DAG1: variants seen among roughly 807,000 people sequenced by gnomAD.
DAG1 encodes dystroglycan 1.
Under a neutral mutation model 46.1 loss-of-function variants are expected in DAG1, and 8 were observed. That is an observed-to-expected ratio of 0.17 (90% CI 0.10 to 0.31). The LOEUF is 0.31. DAG1 is among the 10% of genes least tolerant of loss of function. DAG1 has a pLI of 1.00. For missense variants in DAG1, 1,003 were observed against 1,189.9 expected, an observed-to-expected ratio of 0.84 and a Z score of 2.31; for synonymous variants, 495 against 481.8, an observed-to-expected ratio of 1.03 and a Z score of -0.36.
chr3:49,525,620 T>A (rs2051149157), intron 2 of DAG1, among the ~76,000 whole-genome samples: 1 of 149,812 alleles, frequency 6.7e-6, no homozygotes, highest in Non-Finnish European at 1.5e-5. Flanking sequence ...TGCCGTGGCG[T>A]GATCTCGGCT....
rs546767059 is a variant in DAG1, at chr3:49,480,392, C to T, written c.-117+9959C>T. Among the ~76,000 whole-genome samples, 4 of 151,188 alleles carry T rather than the reference C, an allele frequency of 2.6e-5. No homozygotes were observed. In the South Asian group the frequency reaches 8.4e-4, roughly 32 times the overall value. ...CTGGGTTCACACCATTCTCCTGCCT[C>T]AGCCTCCCGAGTAGCTGGGACTACA... is the stretch of plus-strand genomic sequence containing the variant. On this transcript the variant is annotated intron_variant, in intron 1 of 2. Transcript: ENST00000308775.
intron 1 of DAG1, chr3:49,492,719 A>G (rs2050220610): frequency 6.6e-6 from 1 of 152,176 alleles, no homozygotes; most frequent in Admixed American, 6.6e-5. Context: ...GTTATAATTT[A>G]TATATTTTTA....
intron 1 of DAG1, among the ~76,000 whole-genome samples, chr3:49,486,085 A>G (rs1400956941): frequency 6.6e-6 from 1 of 152,042 alleles, no homozygotes; most frequent in Non-Finnish European, 1.5e-5. Flanking sequence ...CTGCTCTGGA[A>G]CTGCCTGTAG....
intron 1 of DAG1, among the ~76,000 whole-genome samples, chr3:49,483,943 C>G (rs946431485): frequency 6.6e-6 from 1 of 152,200 alleles, no homozygotes; most frequent in Non-Finnish European, 1.5e-5. Context: ...CGTGAGCCAC[C>G]ACACCCGGCC....
intron 1 of DAG1, among the ~76,000 whole-genome samples, chr3:49,498,349 C>T (rs1052574803): frequency 1.6e-4 from 24 of 152,034 alleles, no homozygotes; most frequent in African/African-American, 2.2e-4. Flanking sequence ...TCTCATCTGA[C>T]GCCAAGGAGT....
At chr3:49,481,512 T>C (rs2049881002) in intron 1 of DAG1, among the ~76,000 whole-genome samples, 1 of 152,188 alleles carries the variant, frequency 6.6e-6, no homozygotes, top group Admixed American at 6.6e-5. Context: ...GTGCACGTTT[T>C]CTGTAGTCCC....
chr3:49,506,265 A>G (rs1575380817), intron 1 of DAG1, among the ~76,000 whole-genome samples: 1 of 152,256 alleles, frequency 6.6e-6, no homozygotes, highest in Non-Finnish European at 1.5e-5. Flanking sequence ...GGCGTGGGCC[A>G]CTGCGCCTGG....
rs1367492331 is a variant in DAG1, at chr3:49,510,600, C to G, written c.66C>G (p.Leu22=). The part of the protein sequence containing the change: ...PLSGRTFLLL[L]SVVMAQSHWP... ...CGGGGAGGACCTTTCTCCTCCTGCT[C>G]TCTGTGGTTATGGCTCAGTCCCACT... The change falls in exon 2 of 3, where the codon CTC becomes CTG. Residue 22 remains leucine (L), a synonymous_variant. Transcript: ENST00000308775. The G allele has an allele frequency of 3.1e-6, 5 of 1,614,106 alleles. No homozygotes were observed. The highest frequency in any genetic ancestry group is 4.2e-6 in the Non-Finnish European group (5 of 1,180,038).
At chr3:49,469,970 C>T (rs2049460218), upstream of DAG1, among the ~76,000 whole-genome samples, 1 of 152,128 alleles carries the variant, frequency 6.6e-6, no homozygotes, top group East Asian at 1.9e-4. Flanking sequence ...CGGGACCGAC[C>T]GCCGGGGTGT....
In DAG1 at chr3:49,475,003, G is replaced by A. The variant is rs188827776; in HGVS notation, c.-117+4570G>A. Among the ~76,000 whole-genome samples, 23 of 151,500 alleles carry A rather than the reference G, an allele frequency of 1.5e-4. No homozygotes were observed. In the East Asian group the frequency reaches 2.5e-3, roughly 17 times the overall value. On this transcript the variant is annotated intron_variant, in intron 1 of 2. Transcript: ENST00000308775. ...ATTTTTTTGTATTTTTAGTAGAGAC[G>A]GGGTTTCACTGTGTTAACCAGGATG... is the stretch of plus-strand genomic sequence containing the variant.
Position 49,510,408 on chromosome 3 carries a change from T to G in DAG1, c.-116-11T>G, listed in dbSNP as rs1291757550. On this transcript the variant is annotated splice_polypyrimidine_tract_variant and intron_variant, in intron 1 of 2. Transcript: ENST00000308775. ...TGCTCAAGTCTAAACCTGCTTTTCT[T>G]TTTTTTTCAGGCTCTGTGTGCTCCG... The G allele has an allele frequency of 3.1e-6, 3 of 954,084 alleles. No individual in the cohort carries two copies. The highest frequency in any genetic ancestry group is 4.8e-5 in the East Asian group (2 of 41,956). 59.1% of individuals were successfully genotyped at this position (954,084 alleles called of 1,614,324 possible). A position where few individuals can be genotyped will look rare whatever the true frequency, so the allele number is the denominator to read the frequency against.
At chr3:49,486,744 C>T (rs1316664003) in intron 1 of DAG1, among the ~76,000 whole-genome samples, 1 of 152,148 alleles carries the variant, frequency 6.6e-6, no homozygotes, top group Non-Finnish European at 1.5e-5. Flanking sequence ...CTCGGGTGAT[C>T]TGCCCACCTC....
chr3:49,473,225 C>G (rs969793296), intron 1 of DAG1, among the ~76,000 whole-genome samples: 25 of 151,980 alleles, frequency 1.6e-4, no homozygotes, highest in African/African-American at 5.8e-4. Context: ...ACCATCCTGG[C>G]TAACACGGTG....
chr3:49,530,593 C>T (rs1013115383), intron 2 of DAG1, among the ~76,000 whole-genome samples: 1 of 152,134 alleles, frequency 6.6e-6, no homozygotes, highest in Non-Finnish European at 1.5e-5. Flanking sequence ...TATTTGCCTC[C>T]CAAGTTAGCC....
intron 1 of DAG1, among the ~76,000 whole-genome samples, chr3:49,472,865 A>T (rs1473245140): frequency 6.6e-6 from 1 of 152,142 alleles, no homozygotes; most frequent in Non-Finnish European, 1.5e-5. Flanking sequence ...CACGCCTGTA[A>T]TCCCAGCACT....
Position 49,534,532 on chromosome 3 carries a change from G to T in DAG1, c.*1333G>T, listed in dbSNP as rs2051458888. ...TATTAAAAAAAAGATTTAAAATGGT[G>T]ATGCTTACAGCAGTTTGTACGAGCT... On this transcript the variant is annotated 3_prime_UTR_variant, in exon 3 of 3. Coordinates refer to ENST00000308775, the MANE Select transcript of DAG1 (RefSeq NM_004393.6). 2.0e-5 allele frequency: 3 copies of T among 152,720 alleles called. No homozygotes were observed. In the South Asian group the frequency reaches 6.2e-4, roughly 32 times the overall value. 9.5% of individuals were successfully genotyped at this position (152,720 alleles called of 1,614,324 possible).
At chr3:49,483,728 G>A (rs2049944832) in intron 1 of DAG1, among the ~76,000 whole-genome samples, 1 of 152,174 alleles carries the variant, frequency 6.6e-6, no homozygotes, top group African/African-American at 2.4e-5. Context: ...TACCTGGAGT[G>A]TGGTGGCATA....
chr3:49,475,369 G>A (rs984286120), intron 1 of DAG1, among the ~76,000 whole-genome samples: 4 of 150,898 alleles, frequency 2.7e-5, no homozygotes, highest in African/African-American at 4.9e-5. Flanking sequence ...CTTCCAAAGT[G>A]CTGGGATTAC....
intron 2 of DAG1, among the ~76,000 whole-genome samples, chr3:49,513,189 C>T (rs891539991): frequency 3.3e-5 from 5 of 152,062 alleles, no homozygotes; most frequent in Admixed American, 2.0e-4. Context: ...TAAGTTGGCT[C>T]ATTCATGGCT....
Sources: gnomAD v4.1 joint callset for allele counts (sites outside exome capture counted in the v4.1 genomes callset) on GRCh38, gnomAD v4.1.1 for gene constraint, MANE v1.5 for transcripts, NCBI Gene and HGNC (gene_info 2026-07-23, HGNC 2026-07-21) for gene names.